The following ABR variants were observed in gnomAD, a reference collection of about 807,000 sequenced individuals.
ABR encodes active breakpoint cluster region-related protein.
Under a neutral mutation model 107.2 loss-of-function variants are expected in ABR, and 35 were observed. The ratio of observed to expected loss-of-function variants is 0.33; its 90% CI spans 0.25 to 0.43. The LOEUF (loss-of-function observed/expected upper bound fraction) is 0.43, where lower values mean the gene tolerates loss of function less well. Among genes scored for constraint, ABR ranks in the 20% least tolerant of loss-of-function variants. The pLI is 1.00. For missense variants in ABR, 815 were observed against 1,115.2 expected, an observed-to-expected ratio of 0.73 and a Z score of 3.83; for synonymous variants, 498 against 462.0, an observed-to-expected ratio of 1.08 and a Z score of -1.00.
chr17:1,152,599 A>T (rs1408661099), intron 1 of ABR, among the ~76,000 whole-genome samples: 1 of 152,050 alleles, frequency 6.6e-6, no homozygotes, highest in African/African-American at 2.4e-5. Context: ...CTCAAAAAAA[A>T]AAAAAGACAG....
At chr17:1,226,394 T>C (rs918455276) in intron 1 of ABR, among the ~76,000 whole-genome samples, 3 of 152,106 alleles carry the variant, frequency 2.0e-5, no homozygotes, top group African/African-American at 7.2e-5. Context: ...CATGTGCAGG[T>C]GTCTGTGTAT....
intron 4 of ABR, among the ~76,000 whole-genome samples, chr17:1,085,991 A>G (rs769462733): frequency 6.6e-6 from 1 of 152,114 alleles, no homozygotes; most frequent in Non-Finnish European, 1.5e-5. Flanking sequence ...CACTAAAGAT[A>G]CAAAATTATC....
chr17:1,136,522 C>A (rs888785805), intron 1 of ABR, among the ~76,000 whole-genome samples: 1 of 152,226 alleles, frequency 6.6e-6, no homozygotes, highest in Non-Finnish European at 1.5e-5. Context: ...AGCCACCGCG[C>A]CTGGCCAAAA....
chr17:1,057,094 C>G lies in ABR; in HGVS notation c.1390G>C (p.Ala464Pro). The G allele has an allele frequency of 6.2e-7, 1 of 1,608,950 alleles. No individual in the cohort carries two copies. The highest frequency in any genetic ancestry group is 8.5e-7 in the Non-Finnish European group (1 of 1,176,026). ...IQKLQKKDLQ[A>P]FVLSSVELQV... ...AGCTCCACTGAGCTCAGGACAAAGG[C>G]CTGGAGATCTGGAGGGAGAGCCGAG... is the stretch of plus-strand genomic sequence containing the variant. Residue 464 changes from alanine (A) to proline (P), a missense_variant, in exon 13 of 23, where the codon GCC (alanine) becomes CCC (proline). Transcript: ENST00000302538.
At chr17:1,133,741 T>C (rs1567809195) in intron 1 of ABR, among the ~76,000 whole-genome samples, 2 of 152,154 alleles carry the variant, frequency 1.3e-5, no homozygotes, top group Non-Finnish European at 2.9e-5. Flanking sequence ...CTTCCTTGCT[T>C]ACTCTACCCT....
Position 1,050,410 on chromosome 17 carries a change from G to A in ABR, c.1659+127C>T. 2 of 1,012,604 alleles carry A rather than the reference G, an allele frequency of 2.0e-6. No homozygotes were observed. Among genetic ancestry groups the A allele is most frequent in the East Asian group, 2.5e-5 (1 of 40,664 alleles). The allele number at this position is 1,012,604 out of a possible 1,614,324, so 62.7% of individuals were successfully genotyped here. A position where few individuals can be genotyped will look rare whatever the true frequency, so the allele number is the denominator to read the frequency against. On this transcript the variant is annotated intron_variant, in intron 15 of 22. Coordinates refer to ENST00000302538, the MANE Select transcript of ABR (RefSeq NM_021962.5). The surrounding 1 kb of genome is among the most constrained non-coding windows in gnomAD (Gnocchi z 4.6). ...ACACACACCGCGATCAGAAGCCAGA[G>A]GAGCAGGGAGCAGAAAGGGGGGTGC...
At chr17:1,183,435 G>A (rs2042195901), upstream of ABR, among the ~76,000 whole-genome samples, 1 of 152,136 alleles carries the variant, frequency 6.6e-6, no homozygotes, top group African/African-American at 2.4e-5. Flanking sequence ...AGGAGCACTG[G>A]GTTAATGACG....
chr17:1,083,494 G>A (rs760271521), intron 5 of ABR, 26 bp downstream of exon 5: 1 of 1,550,776 alleles, frequency 6.4e-7, no homozygotes, highest in East Asian at 2.3e-5. Flanking sequence ...TTGTCCCTCA[G>A]GGTGGCTATG....
intron 16 of ABR, among the ~76,000 whole-genome samples, chr17:1,017,847 C>T (rs1016689558): frequency 1.3e-5 from 2 of 151,912 alleles, no homozygotes; most frequent in Non-Finnish European, 1.5e-5. Flanking sequence ...AGGTGGTCCG[C>T]CCACCTTGGC....
Position 1,179,656 on chromosome 17 carries a change from G to C in ABR, c.61+11C>G. On this transcript the variant is annotated intron_variant, in intron 1 of 22. Transcript: ENST00000302538. This position sits in a 1 kb window ranked among gnomAD's most constrained non-coding sequence, Gnocchi z 4.9. Reference sequence around the variant, plus strand: ...CGATCCTGGGGTCCCGCCCCCGCCCGGCACACGTACTGCTGTAGAGGGTGT... The same window carrying C: ...CGATCCTGGGGTCCCGCCCCCGCCCCGCACACGTACTGCTGTAGAGGGTGT... The C allele has an allele frequency of 6.5e-7, 1 of 1,534,704 alleles. No individual in the cohort carries two copies. The highest frequency in any genetic ancestry group is 8.8e-7 in the Non-Finnish European group (1 of 1,139,626).
At chr17:1,065,803 C>G (rs1462795272) in intron 10 of ABR, among the ~76,000 whole-genome samples, 2 of 142,430 alleles carry the variant, frequency 1.4e-5, no homozygotes, top group Non-Finnish European at 3.0e-5. Flanking sequence ...TGGAGTGCAG[C>G]AGCGGAATCT....
chr17:1,097,949 C>G (rs544503413), intron 3 of ABR, among the ~76,000 whole-genome samples: 6 of 152,318 alleles, frequency 3.9e-5, no homozygotes, highest in Admixed American at 2.6e-4. Context: ...GTCCCGAAAG[C>G]ATCTCCCGAT....
chr17:1,025,142 A>G (rs1318034058), intron 16 of ABR, among the ~76,000 whole-genome samples: 1 of 143,988 alleles, frequency 6.9e-6, no homozygotes, highest in African/African-American at 2.6e-5. Flanking sequence ...AAAAAAATAC[A>G]AAACTTGGCC....
At chr17:1,144,970 A>G (rs551815949) in intron 1 of ABR, among the ~76,000 whole-genome samples, 1 of 152,262 alleles carries the variant, frequency 6.6e-6, no homozygotes, top group African/African-American at 2.4e-5. Context: ...AGTAGGCCAG[A>G]TGGTGCCACG....
chr17:1,127,092 G>A (rs978410735), intron 1 of ABR, among the ~76,000 whole-genome samples: 11 of 152,178 alleles, frequency 7.2e-5, no homozygotes, highest in Admixed American at 5.2e-4. Flanking sequence ...GCAGCCGAGC[G>A]CTTCCCCTAG....
chr17:1,116,308 A>G (rs2038983161), intron 2 of ABR, among the ~76,000 whole-genome samples: 1 of 152,216 alleles, frequency 6.6e-6, no homozygotes, highest in Non-Finnish European at 1.5e-5. Flanking sequence ...CAAATAAACT[A>G]AAACAGAAAG....
intron 12 of ABR, 109 bp downstream of exon 12, chr17:1,057,861 T>C (rs1345928975): frequency 2.1e-6 from 2 of 972,980 alleles, no homozygotes; most frequent in Non-Finnish European, 3.3e-6. Flanking sequence ...CCTCTGAGGG[T>C]GACTGCGAGG....
chr17:1,025,869 C>T (rs1015677625), intron 16 of ABR, among the ~76,000 whole-genome samples: 17 of 152,154 alleles, frequency 1.1e-4, no homozygotes, highest in Non-Finnish European at 8.8e-5. Context: ...AGGCCTGGCA[C>T]GTGGAAGGTG....
Position 1,072,606 on chromosome 17 carries a change from G to A in ABR, c.894+8C>T. Reference sequence around the variant, plus strand: ...TGGGTGAGGGGCCGTGCCGGGCTCTGAGCTCACCTCCCCCTTGGGCGTTGT... The same window carrying A: ...TGGGTGAGGGGCCGTGCCGGGCTCTAAGCTCACCTCCCCCTTGGGCGTTGT... On this transcript the variant is annotated splice_region_variant and intron_variant, in intron 8 of 22. Transcript: ENST00000302538. 6.2e-7 allele frequency: 1 copy of A among 1,602,434 alleles called. No homozygotes were observed. The highest frequency in any genetic ancestry group is 8.5e-7 in the Non-Finnish European group (1 of 1,175,180).
Sources: gnomAD v4.1 joint callset for allele counts (sites outside exome capture counted in the v4.1 genomes callset) on GRCh38, gnomAD v4.1.1 for gene constraint, Gnocchi (gnomAD v3.1) non-coding constraint, MANE v1.5 for transcripts, NCBI Gene and HGNC (gene_info 2026-07-23, HGNC 2026-07-21) for gene names.